Variants in CNNM2 observed in about 807,000 individuals in gnomAD.
CNNM2 encodes metal transporter CNNM2.
A neutral mutation model predicts 66.9 loss-of-function variants in CNNM2; 12 were observed. The observed-to-expected ratio is 0.18, with a 90% confidence interval of 0.11 to 0.29. CNNM2 has a LOEUF of 0.29. Ranked by LOEUF, CNNM2 falls within the 10% of genes least tolerant of loss-of-function variation. The pLI is 1.00. For missense variants in CNNM2, 705 were observed against 1,167.7 expected (o/e 0.60, Z 5.77); for synonymous variants, 557 against 501.8 (o/e 1.11, Z -1.47).
rs36096913 is a variant in CNNM2 at position 103,009,674 on chromosome 10, CAAAAAAAAAAAA to C, written c.1622-40020_1622-40009del. 1.8e-3 allele frequency among the ~76,000 whole-genome samples: 108 copies of C among 58,624 alleles called. 1 individual carries two copies. Among genetic ancestry groups the C allele is most frequent in the African/African-American group, 7.1e-3 (97 of 13,734 alleles). 38.5% of individuals were successfully genotyped at this position (58,624 alleles called of 152,430 possible). A position where few individuals can be genotyped will look rare whatever the true frequency, so the allele number is the denominator to read the frequency against. ...ACCACTACATTCTAGCCTGAGTCTC[CAAAAAAAAAAAA>C]AAAAAAAAAAAAGTATATTGGGAGA... On this transcript the variant is annotated intron_variant, in intron 1 of 7. Transcript: ENST00000369878.
intron 1 of CNNM2, among the ~76,000 whole-genome samples, chr10:102,969,831 CG>C (rs1410130703): frequency 6.6e-6 from 1 of 151,812 alleles, no homozygotes; most frequent in Non-Finnish European, 1.5e-5. Context: ...TTAGTGGAGA[CG>C]GGGTTTCTCC....
chr10:103,071,619 T>G (rs541546094), intron 5 of CNNM2, among the ~76,000 whole-genome samples, 155 bp from the exon 6 acceptor site: 1 of 152,332 alleles, frequency 6.6e-6, no homozygotes, highest in Admixed American at 6.5e-5. Context: ...CAGTGTGTGT[T>G]GTTTTGTTTC....
Position 102,927,844 on chromosome 10 carries a change from A to G in CNNM2, c.1621+7743A>G, listed in dbSNP as rs186065641. Among the ~76,000 whole-genome samples, 113 of 152,306 alleles carry G rather than the reference A, an allele frequency of 7.4e-4. 1 individual carries two copies. In the East Asian group the frequency reaches 0.011, roughly 14 times the overall value. ...ATGTTGATGGATAATGGGGATGCCA[A>G]ACCCTCTCCCTGTGTTACATTAGTG... On this transcript the variant is annotated intron_variant, in intron 1 of 7. Transcript: ENST00000369878.
At chr10:102,930,541 T>G (rs1846029058) in intron 1 of CNNM2, among the ~76,000 whole-genome samples, 1 of 152,246 alleles carries the variant, frequency 6.6e-6, no homozygotes, top group South Asian at 2.1e-4. Context: ...TTTTTAAAAT[T>G]TTAAAAATTG....
At chr10:103,000,547 G>A (rs1403220828) in intron 1 of CNNM2, among the ~76,000 whole-genome samples, 1 of 151,952 alleles carries the variant, frequency 6.6e-6, no homozygotes, top group African/African-American at 2.4e-5. Flanking sequence ...TCGGCCTCCT[G>A]GGTTCAAGCA....
At chr10:102,957,312 AT>A (rs1280785958) in intron 1 of CNNM2, among the ~76,000 whole-genome samples, 1 of 152,214 alleles carries the variant, frequency 6.6e-6, no homozygotes, top group Non-Finnish European at 1.5e-5. Flanking sequence ...TCTCAAAAAA[AT>A]AATAATAAAT....
At chr10:103,060,460 A>G (rs925410990) in intron 4 of CNNM2, among the ~76,000 whole-genome samples, 8 of 151,226 alleles carry the variant, frequency 5.3e-5, no homozygotes, top group African/African-American at 1.2e-4. Flanking sequence ...TGGGAGAATC[A>G]CTTGAGCCTG....
intron 1 of CNNM2, among the ~76,000 whole-genome samples, chr10:103,029,598 C>T (rs1419673225): frequency 6.6e-6 from 1 of 152,110 alleles, no homozygotes; most frequent in Non-Finnish European, 1.5e-5. Flanking sequence ...CACGGTGGCT[C>T]ACGCCTGTAA....
At chr10:103,052,463 G>A (rs1046189290) in intron 2 of CNNM2, among the ~76,000 whole-genome samples, 1 of 151,700 alleles carries the variant, frequency 6.6e-6, no homozygotes, top group African/African-American at 2.4e-5. Flanking sequence ...TCATACAGAA[G>A]TGTTGCCTGA....
chr10:102,986,189 A>T (rs1196646271), intron 1 of CNNM2, among the ~76,000 whole-genome samples: 1 of 152,220 alleles, frequency 6.6e-6, no homozygotes, highest in African/African-American at 2.4e-5. Context: ...TGCTCACTCT[A>T]CAACTAGATA....
At chr10:102,952,512 C>T (rs184339805) in intron 1 of CNNM2, among the ~76,000 whole-genome samples, 131 of 151,824 alleles carry the variant, frequency 8.6e-4, no homozygotes, top group Middle Eastern at 3.4e-3. Flanking sequence ...TGCAGTGAGC[C>T]GAGATTGCAC....
intron 1 of CNNM2, among the ~76,000 whole-genome samples, chr10:103,007,226 C>T (rs1344301997): frequency 4.6e-5 from 7 of 152,140 alleles, no homozygotes; most frequent in Non-Finnish European, 1.0e-4. Flanking sequence ...AGATCACATG[C>T]TTCAAAGGGC....
intron 1 of CNNM2, among the ~76,000 whole-genome samples, chr10:102,983,559 C>T (rs2063750650): frequency 6.6e-6 from 1 of 151,872 alleles, no homozygotes; most frequent in South Asian, 2.1e-4. Flanking sequence ...TCACCTCAGC[C>T]TCCCAAGTAG....
chr10:103,073,804 G>A (rs2065639843), intron 6 of CNNM2, among the ~76,000 whole-genome samples: 1 of 141,204 alleles, frequency 7.1e-6, no homozygotes, highest in Non-Finnish European at 1.5e-5. Flanking sequence ...GGAACTTGCA[G>A]TGAGCCGAGA....
chr10:102,982,829 A>G (rs2063738379), intron 1 of CNNM2, among the ~76,000 whole-genome samples: 1 of 152,192 alleles, frequency 6.6e-6, no homozygotes. Flanking sequence ...ATGGAGTTGC[A>G]ATACAGTTTT....
rs897589944 is a variant in CNNM2, at chr10:102,984,684, C to T, written c.1621+64583C>T. Among the ~76,000 whole-genome samples, 8 of 152,056 alleles carry T rather than the reference C, an allele frequency of 5.3e-5. No homozygotes were observed. The South Asian group carries it at 6.2e-4, about 12-fold the overall frequency. On this transcript the variant is annotated intron_variant, in intron 1 of 7. Transcript: ENST00000369878. ...TTACTTCTATCTTATTTTTTTGAGA[C>T]GGTCTCACTCTGTCACCCAGGCTGG...
intron 1 of CNNM2, among the ~76,000 whole-genome samples, chr10:102,998,210 G>C (rs1232210932): frequency 1.3e-5 from 2 of 152,178 alleles, no homozygotes; most frequent in Non-Finnish European, 2.9e-5. Flanking sequence ...AGTGGTGTGG[G>C]TGTTCAGCGA....
At chr10:103,006,454 C>A (rs2064230320) in intron 1 of CNNM2, among the ~76,000 whole-genome samples, 1 of 152,106 alleles carries the variant, frequency 6.6e-6, no homozygotes, top group African/African-American at 2.4e-5. Flanking sequence ...GATCCACCCG[C>A]CTCAGCCTCC....
intron 4 of CNNM2, among the ~76,000 whole-genome samples, chr10:103,062,113 C>T (rs1029902619): frequency 5.9e-5 from 9 of 152,128 alleles, no homozygotes; most frequent in Non-Finnish European, 1.0e-4. Flanking sequence ...AAACAGTTCA[C>T]GTCTAGCTAA....
Sources: gnomAD v4.1 joint callset for allele counts (sites outside exome capture counted in the v4.1 genomes callset) on GRCh38, gnomAD v4.1.1 for gene constraint, MANE v1.5 for transcripts, NCBI Gene and HGNC (gene_info 2026-07-23, HGNC 2026-07-21) for gene names.